Variants in IFT140 observed in about 807,000 individuals in gnomAD.
The protein encoded by IFT140 is intraflagellar transport 140, also known as intraflagellar transport protein 140 homolog.
In IFT140, 133 loss-of-function variants were observed where a neutral mutation model predicts 164.6. The observed-to-expected ratio is 0.81, with a 90% CI of 0.70 to 0.93. The LOEUF (loss-of-function observed/expected upper bound fraction) is 0.93, where lower values mean the gene tolerates loss of function less well. IFT140 is among the 40% of genes least tolerant of loss of function. The pLI, the probability that IFT140 is intolerant of heterozygous loss-of-function variation, is 0.00. For missense variants in IFT140, 2,045 were observed against 1,972.3 expected, an observed-to-expected ratio of 1.04 and a Z score of -0.70; for synonymous variants, 860 against 817.3, an observed-to-expected ratio of 1.05 and a Z score of -0.89.
chr16:1,510,992 G>A lies in IFT140; in HGVS notation c.4341C>T (p.Ala1447=). The A allele has an allele frequency of 6.2e-7, 1 of 1,611,768 alleles. No homozygotes were observed. The highest frequency in any genetic ancestry group is 8.5e-7 in the Non-Finnish European group (1 of 1,179,106). Residue 1447 remains alanine (A), a synonymous_variant, in exon 31 of 31, where the codon GCC becomes GCT. Coordinates refer to ENST00000426508, the MANE Select transcript of IFT140 (RefSeq NM_014714.4). ...CCACCACCTCCTCGTCCAGCTCCCT[G>A]GCGTCCTCCATGCTGTTGTGGCGGA... ...EQVRHNSMED[A]RELDEEVVEE...
At chr16:1,527,952 G>A (rs187828617) in intron 19 of IFT140, among the ~76,000 whole-genome samples, 26 of 152,332 alleles carry the variant, frequency 1.7e-4, no homozygotes, top group Admixed American at 3.9e-4. Flanking sequence ...CTGAGGACTT[G>A]GTTTGTGTCA....
At chr16:1,549,127 G>A (rs929390684) in intron 19 of IFT140, among the ~76,000 whole-genome samples, 8 of 152,238 alleles carry the variant, frequency 5.3e-5, no homozygotes, top group Admixed American at 2.6e-4. Flanking sequence ...GCCTGGTGGC[G>A]CCTCTGGGTC....
At chr16:1,566,605 G>T (rs928076520) in intron 15 of IFT140, among the ~76,000 whole-genome samples, 3 of 152,152 alleles carry the variant, frequency 2.0e-5, no homozygotes, top group Non-Finnish European at 4.4e-5. Context: ...GGGATTGCAG[G>T]TGCGGGATAA....
Position 1,589,664 on chromosome 16 carries a change from T to C in IFT140, c.751A>G (p.Asn251Asp), listed in dbSNP as rs766943078. Residue 251 changes from asparagine (N) to aspartate (D), a missense_variant, in exon 7 of 31, where the codon AAC (asparagine) becomes GAC (aspartate). Physicochemically the swap from Asn to Asp is conservative, Grantham distance 23 (BLOSUM62 1). Coordinates refer to ENST00000426508, the MANE Select transcript of IFT140 (RefSeq NM_014714.4). ...ACCGTGTACAGGGACAGCCGGAGGTTCTCTGTGACCACCACCAGTGCCTCC... is the reference window on the plus strand; with the variant it reads ...ACCGTGTACAGGGACAGCCGGAGGTCCTCTGTGACCACCACCAGTGCCTCC... ...KREALVVVTE[N>D]LRLSLYTVPP... 6.8e-6 allele frequency: 11 copies of C among 1,614,016 alleles called. No individual in the cohort carries two copies. Among genetic ancestry groups the C allele is most frequent in the East Asian group, 2.2e-5 (1 of 44,882 alleles).
chr16:1,548,141 G>A (rs531589630), intron 19 of IFT140, among the ~76,000 whole-genome samples: 2 of 152,350 alleles, frequency 1.3e-5, no homozygotes, highest in South Asian at 2.1e-4. Context: ...TTGGGTCACC[G>A]TCATCTTGTT....
rs750787662 is a variant in IFT140, at chr16:1,564,838, G to A, written c.1902-676C>T. On this transcript the variant is annotated intron_variant, in intron 16 of 30. Coordinates refer to ENST00000426508, the MANE Select transcript of IFT140 (RefSeq NM_014714.4). The surrounding 1 kb of genome is among the most constrained non-coding windows in gnomAD (Gnocchi z 5.5). ...TGGCTGCTGAAGAAGGACAGGACCC[G>A]GTGCTGCAGGACATGAAGATCCCCT... Among the ~76,000 whole-genome samples, 24 of 152,188 alleles carry A rather than the reference G, an allele frequency of 1.6e-4. No individual in the cohort carries two copies. The highest frequency in any genetic ancestry group is 2.9e-4 in the Non-Finnish European group (20 of 68,032).
intron 19 of IFT140, chr16:1,552,932 C>T (rs946557732): frequency 1.9e-5 from 19 of 981,276 alleles, no homozygotes; most frequent in Admixed American, 6.2e-5. Flanking sequence ...CGATTATAGG[C>T]GTAAACCACT....
intron 10 of IFT140, 80 bp downstream of exon 10, chr16:1,586,050 C>A: frequency 6.4e-7 from 1 of 1,556,194 alleles, no homozygotes; most frequent in Non-Finnish European, 8.8e-7. Context: ...GGATTACAGG[C>A]GTGAGCCACC....
At chr16:1,576,582 ACTT>A (rs1567392210) in intron 13 of IFT140, 2 of 144,630 alleles carry the variant, frequency 1.4e-5, no homozygotes, top group African/African-American at 5.3e-5. Flanking sequence ...ACAGAGGGAA[ACTT>A]CGTCTCAAAA....
In IFT140 at chr16:1,566,165, T is replaced by G; in HGVS notation, c.1897A>C (p.Asn633His). The change falls in exon 16 of 31, where the codon AAT becomes CAT. Residue 633 changes from asparagine to histidine, a missense_variant. Coordinates refer to ENST00000426508, the MANE Select transcript of IFT140 (RefSeq NM_014714.4). ...CCTCCTGAACCACAATCTTACTTAT[T>G]AGTCTCTTGCTCATTAAAGGACAGC... ...ETLSFNEQETNKSHLFVDEGL... is the reference protein window; with the variant it reads ...ETLSFNEQETHKSHLFVDEGL... 6.2e-7 allele frequency: 1 copy of G among 1,612,794 alleles called. No individual in the cohort carries two copies. Among genetic ancestry groups the G allele is most frequent in the Non-Finnish European group, 8.5e-7 (1 of 1,179,264 alleles).
At chr16:1,548,198 AG>A (rs2032332179) in intron 19 of IFT140, among the ~76,000 whole-genome samples, 2 of 152,058 alleles carry the variant, frequency 1.3e-5, no homozygotes, top group African/African-American at 4.8e-5. Flanking sequence ...TGAGGTGGCC[AG>A]GGGGCCGTCT....
intron 17 of IFT140, 101 bp from the exon 18 acceptor site, chr16:1,562,217 G>T: frequency 9.5e-7 from 1 of 1,055,046 alleles, no homozygotes; most frequent in Non-Finnish European, 1.3e-6. Context: ...TCACGGTGGG[G>T]TCGTTGCTAC....
At chr16:1,537,522 C>A (rs1374264797) in intron 19 of IFT140, among the ~76,000 whole-genome samples, 1 of 152,240 alleles carries the variant, frequency 6.6e-6, no homozygotes, top group East Asian at 1.9e-4. Flanking sequence ...TTCAGGCCCT[C>A]CCGTGCCCCT....
chr16:1,569,916 C>G (rs2033933071), intron 14 of IFT140, among the ~76,000 whole-genome samples: 1 of 151,712 alleles, frequency 6.6e-6, no homozygotes, highest in Non-Finnish European at 1.5e-5. Flanking sequence ...AAATAAAATG[C>G]TGGGACTACA....
chr16:1,583,041 A>T (rs1158929380), intron 12 of IFT140, among the ~76,000 whole-genome samples: 1 of 151,474 alleles, frequency 6.6e-6, no homozygotes, highest in East Asian at 1.9e-4. Context: ...CATGGTCTGG[A>T]AACATTTCAG....
chr16:1,541,782 A>G, intron 19 of IFT140: 1 of 1,050,162 alleles, frequency 9.5e-7, no homozygotes, highest in Non-Finnish European at 1.3e-6. Context: ...TGCTTCCCGA[A>G]GCCACTGCCC....
chr16:1,528,455 GCA>G (rs761261354), intron 19 of IFT140, among the ~76,000 whole-genome samples: 34 of 149,126 alleles, frequency 2.3e-4, no homozygotes, highest in African/African-American at 7.1e-4. Flanking sequence ...TCACATGCAT[GCA>G]CACACACATG....
At chr16:1,580,131 C>G (rs565245071) in intron 13 of IFT140, 7 of 152,316 alleles carry the variant, frequency 4.6e-5, no homozygotes, top group African/African-American at 1.7e-4. Context: ...TTCATAGCCC[C>G]GTGTATTCAA....
intron 4 of IFT140, among the ~76,000 whole-genome samples, chr16:1,599,638 C>T (rs2035672698): frequency 4.9e-5 from 3 of 61,064 alleles, no homozygotes; most frequent in African/African-American, 3.1e-4. Context: ...CCGCCCCGTC[C>T]GGGAGGGAGG....
Sources: allele counts gnomAD v4.1 joint callset (sites outside exome capture counted in the v4.1 genomes callset), GRCh38; gene constraint gnomAD v4.1.1; non-coding constraint Gnocchi (gnomAD v3.1); transcripts MANE v1.5; gene names NCBI Gene and HGNC (gene_info 2026-07-23, HGNC 2026-07-21).